The following EFCAB7 variants were observed in gnomAD, a reference collection of about 807,000 sequenced individuals.
EFCAB7 encodes EF-hand calcium-binding domain-containing protein 7.
Under a neutral mutation model 77.1 loss-of-function variants are expected in EFCAB7, and 66 were observed. That is an observed-to-expected ratio of 0.86 (90% CI 0.70 to 1.05). EFCAB7 has a LOEUF of 1.05. Ranked by LOEUF, EFCAB7 falls within the 50% of genes least tolerant of loss-of-function variation. The pLI, the probability that EFCAB7 is intolerant of heterozygous loss-of-function variation, is 0.00. For missense variants in EFCAB7, 638 were observed against 730.5 expected, an observed-to-expected ratio of 0.87 and a Z score of 1.46; for synonymous variants, 225 against 243.3, an observed-to-expected ratio of 0.92 and a Z score of 0.70.
intron 9 of EFCAB7, 21 bp from the exon 10 acceptor site, chr1:63,557,093 T>G (rs1424291174): frequency 2.0e-6 from 3 of 1,520,160 alleles, no homozygotes; most frequent in Non-Finnish European, 2.6e-6. Context: ...AAGAAATAAC[T>G]AGCTATTTTT....
chr1:63,574,189 C>G (rs960543054), downstream of EFCAB7, among the ~76,000 whole-genome samples: 1 of 151,522 alleles, frequency 6.6e-6, no homozygotes, highest in Non-Finnish European at 1.5e-5. Flanking sequence ...AGGGAGGGGG[C>G]CTGAACAATC....
At chr1:63,535,019 C>T (rs909652301) in intron 6 of EFCAB7, among the ~76,000 whole-genome samples, 1 of 152,064 alleles carries the variant, frequency 6.6e-6, no homozygotes, top group African/African-American at 2.4e-5. Flanking sequence ...CATGTTCATA[C>T]ACAATATTTA....
chr1:63,541,795 T>C (rs1242893247), intron 6 of EFCAB7, among the ~76,000 whole-genome samples: 1 of 152,090 alleles, frequency 6.6e-6, no homozygotes, highest in Non-Finnish European at 1.5e-5. Flanking sequence ...ACTCTTGACC[T>C]CAGGTGATGC....
rs1427626440 is a variant in EFCAB7 at position 63,532,121 on chromosome 1, A to G, written c.399+90A>G. 8 of 933,434 alleles carry G rather than the reference A, an allele frequency of 8.6e-6. No homozygotes were observed. In the Admixed American group the frequency reaches 1.0e-4, roughly 12 times the overall value. 57.8% of individuals were successfully genotyped at this position (933,434 alleles called of 1,614,324 possible). A position where few individuals can be genotyped will look rare whatever the true frequency, so the allele number is the denominator to read the frequency against. ...ACTACCAAAGTCCACATTAAAAATA[A>G]GTATTTCATTGAGAGGTTAAATGAA... On this transcript the variant is annotated intron_variant, in intron 3 of 13. Transcript: ENST00000371088.
At chr1:63,545,043 C>A (rs1484223686) in intron 6 of EFCAB7, among the ~76,000 whole-genome samples, 1 of 150,030 alleles carries the variant, frequency 6.7e-6, no homozygotes, top group African/African-American at 2.5e-5. Context: ...CTCAGCCTCC[C>A]GAGTAGCTGG....
chr1:63,561,955 A>C, intron 11 of EFCAB7, 98 bp downstream of exon 11: 1 of 861,796 alleles, frequency 1.2e-6, no homozygotes, highest in Non-Finnish European at 1.6e-6. Flanking sequence ...TGGGCACCCA[A>C]ATCTTTGAAC....
downstream of EFCAB7, among the ~76,000 whole-genome samples, chr1:63,574,913 C>CTA (rs1213828035): frequency 3.3e-5 from 5 of 152,168 alleles, no homozygotes; most frequent in Admixed American, 2.6e-4. Context: ...AAAGTATATA[C>CTA]TATATTCTCT....
chr1:63,579,857 G>A, the EFCAB7 span, among the ~76,000 whole-genome samples: 8,257 of 152,188 alleles, frequency 0.054, 333 homozygotes, highest in South Asian at 0.11. Context: ...CTTTTTGATG[G>A]TGTGCTTCTT....
In EFCAB7 at chr1:63,568,034, A is replaced by G. The variant is rs544262140; in HGVS notation, c.1498-276A>G. On this transcript the variant is annotated intron_variant, in intron 11 of 13. Coordinates refer to ENST00000371088, the MANE Select transcript of EFCAB7 (RefSeq NM_032437.4). ...TTTGTTAGCATTGAACCAAATGAAG[A>G]GATGGTATTATGGTTTAAAGAAGGT... 2.6e-5 allele frequency among the ~76,000 whole-genome samples: 4 copies of G among 152,168 alleles called. No homozygotes were observed. In the East Asian group the frequency reaches 7.7e-4, roughly 29 times the overall value.
intron 1 of EFCAB7, among the ~76,000 whole-genome samples, chr1:63,524,673 A>G (rs1570362371): frequency 6.6e-6 from 1 of 152,198 alleles, no homozygotes; most frequent in African/African-American, 2.4e-5. Context: ...AGAATCTAAT[A>G]CCCCATAGTA....
intron 7 of EFCAB7, chr1:63,547,455 G>T (rs1411296917): frequency 6.6e-6 from 1 of 152,220 alleles, no homozygotes. Flanking sequence ...CAGAGGGAAA[G>T]GGGGTTAGTG....
intron 11 of EFCAB7, among the ~76,000 whole-genome samples, chr1:63,562,311 G>A (rs1647111298): frequency 6.6e-6 from 1 of 150,960 alleles, no homozygotes; most frequent in Non-Finnish European, 1.5e-5. Context: ...AACAGTGGCT[G>A]GCTCATACAA....
chr1:63,545,791 A>G (rs1646890673), intron 6 of EFCAB7, 125 bp from the exon 7 acceptor site: 1 of 816,798 alleles, frequency 1.2e-6, no homozygotes, highest in Non-Finnish European at 2.0e-6. Context: ...TATGTTGCAC[A>G]TTCCTGGAGA....
chr1:63,551,683 T>C, intron 7 of EFCAB7, 42 bp from the exon 8 acceptor site: 1 of 943,750 alleles, frequency 1.1e-6, no homozygotes, highest in South Asian at 2.2e-5. Flanking sequence ...TAGATAGTGA[T>C]TGCTTATTTT....
At chr1:63,551,388 C>T (rs887928792) in intron 7 of EFCAB7, among the ~76,000 whole-genome samples, 1 of 152,078 alleles carries the variant, frequency 6.6e-6, no homozygotes, top group South Asian at 2.1e-4. Flanking sequence ...GTCAGGAGAT[C>T]GAGACCATCC....
At position 63,524,779 on chromosome 1, in the gene EFCAB7, A is replaced by G. The variant is rs183465163; in HGVS notation, c.-1-793A>G. On this transcript the variant is annotated intron_variant, in intron 1 of 13. Coordinates refer to ENST00000371088, the MANE Select transcript of EFCAB7 (RefSeq NM_032437.4). ...TTACTGCTAGCTGGGTGACATTGCT[A>G]CCCCTCAATTTCCTCATCTGTAAAA... 5.8e-4 allele frequency among the ~76,000 whole-genome samples: 88 copies of G among 152,208 alleles called. 1 individual carries two copies. The highest frequency in any genetic ancestry group is 1.9e-3 in the African/African-American group (81 of 41,542).
chr1:63,554,789 A>G (rs188067169), intron 8 of EFCAB7, among the ~76,000 whole-genome samples: 3 of 152,220 alleles, frequency 2.0e-5, no homozygotes, highest in Non-Finnish European at 4.4e-5. Flanking sequence ...TCCATATTAC[A>G]TTAAAAAAAG....
intron 6 of EFCAB7, 111 bp downstream of exon 6, chr1:63,534,327 G>A (rs1389073590): frequency 3.2e-6 from 3 of 950,644 alleles, no homozygotes; most frequent in African/African-American, 3.3e-5. Context: ...GAAGTAATTT[G>A]AGGTTTTTCT....
At chr1:63,531,433 G>A (rs1345325519) in intron 2 of EFCAB7, among the ~76,000 whole-genome samples, 1 of 152,008 alleles carries the variant, frequency 6.6e-6, no homozygotes, top group African/African-American at 2.4e-5. Flanking sequence ...TATACTTTTT[G>A]TGTTATCCTT....
Sources: allele counts gnomAD v4.1 joint callset (sites outside exome capture counted in the v4.1 genomes callset), GRCh38; gene constraint gnomAD v4.1.1; transcripts MANE v1.5; gene names NCBI Gene and HGNC (gene_info 2026-07-23, HGNC 2026-07-21).